The following TNFRSF10A variants were observed in gnomAD, a reference collection of about 807,000 sequenced individuals.
TNFRSF10A encodes TNF receptor superfamily member 10a, also known as tumor necrosis factor receptor superfamily member 10A.
Under a neutral mutation model 42.8 loss-of-function variants are expected in TNFRSF10A, and 44 were observed. The ratio of observed to expected loss-of-function variants is 1.03; its 90% CI spans 0.81 to 1.32. The LOEUF (loss-of-function observed/expected upper bound fraction) is 1.32, where lower values mean the gene tolerates loss of function less well. Among genes scored for constraint, TNFRSF10A ranks in the 40% most tolerant of loss-of-function variants. TNFRSF10A has a pLI of 0.00. For missense variants in TNFRSF10A, 680 were observed against 602.0 expected (o/e 1.13, Z -1.36); for synonymous variants, 259 against 234.2 (o/e 1.11, Z -0.97).
chr8:23,191,632 A>AC lies in TNFRSF10A; in HGVS notation c.*61_*62insG, dbSNP rs1800754542. 1 of 1,473,274 alleles carries AC rather than the reference A, an allele frequency of 6.8e-7. No individual in the cohort carries two copies. Among genetic ancestry groups the AC allele is most frequent in the South Asian group, 1.4e-5 (1 of 69,654 alleles). The allele number at this position is 1,473,274 out of a possible 1,614,324, so 91.3% of individuals were successfully genotyped here. On this transcript the variant is annotated 3_prime_UTR_variant, in exon 10 of 10. Coordinates refer to ENST00000221132, the MANE Select transcript of TNFRSF10A (RefSeq NM_003844.4). ...TACTTTGTATACATGTTAAAAAAAA[A>AC]AAAAACCTAATATGTATTAACTCCT... is the stretch of plus-strand genomic sequence containing the variant.
Position 23,224,765 on chromosome 8 carries a change from G to A in TNFRSF10A, c.297C>T (p.Val99=), listed in dbSNP as rs772961308. 1.3e-6 allele frequency: 2 copies of A among 1,566,270 alleles called. No individual in the cohort carries two copies. Among genetic ancestry groups the A allele is most frequent in the East Asian group, 4.7e-5 (2 of 42,816 alleles). ...HKTFKFVVVG[V]LLQVVPSSAA... ...CGCGGTGGGGACTCACCTGCAGCAG[G>A]ACCCCGACGACGACAAACTTGAAGG... is the stretch of plus-strand genomic sequence containing the variant. Residue 99 remains valine, a synonymous_variant, in exon 1 of 10, where the codon GTC becomes GTT. Transcript: ENST00000221132.
At chr8:23,203,104 T>C (rs951776643) in intron 2 of TNFRSF10A, among the ~76,000 whole-genome samples, 5 of 152,310 alleles carry the variant, frequency 3.3e-5, no homozygotes, top group African/African-American at 1.2e-4. Flanking sequence ...AACATTGAGA[T>C]ATTTTCTTTT....
At chr8:23,197,353 A>G (rs1439468987) in intron 8 of TNFRSF10A, 149 bp from the exon 9 acceptor site, 11 of 849,404 alleles carry the variant, frequency 1.3e-5, no homozygotes, top group Non-Finnish European at 1.9e-5. Context: ...CTGGTCCCAC[A>G]TAGCTCACAG....
intron 1 of TNFRSF10A, among the ~76,000 whole-genome samples, chr8:23,224,057 T>C (rs1024735401): frequency 6.6e-6 from 1 of 152,064 alleles, no homozygotes; most frequent in Non-Finnish European, 1.5e-5. Context: ...CCGGGCGCGG[T>C]GGCTCACGCC....
chr8:23,199,365 C>T lies in TNFRSF10A; in HGVS notation c.915G>A (p.Ser305=), dbSNP rs970938592. Residue 305 remains serine, a synonymous_variant, in exon 8 of 10, where the codon TCG becomes TCA. Coordinates refer to ENST00000221132, the MANE Select transcript of TNFRSF10A (RefSeq NM_003844.4). The part of the protein sequence containing the change: ...AHNEILSNAD[S]LSTFVSEQQM... ...GCTGCTCAGAGACGAAAGTGGACAG[C>T]GAGTCTGCGTTGCTCAGAATCTCGT... 32 of 1,614,084 alleles carry T rather than the reference C, an allele frequency of 2.0e-5. No individual in the cohort carries two copies. The highest frequency in any genetic ancestry group is 5.0e-5 in the Admixed American group (3 of 60,004).
At chr8:23,200,392 G>T in intron 6 of TNFRSF10A, 113 bp downstream of exon 6, 1 of 1,192,664 alleles carries the variant, frequency 8.4e-7, no homozygotes, top group Non-Finnish European at 1.2e-6. Context: ...GAGGAAGATA[G>T]AGCCCGGCCA....
intron 1 of TNFRSF10A, among the ~76,000 whole-genome samples, chr8:23,219,287 C>G (rs1206975192): frequency 6.6e-6 from 1 of 151,412 alleles, no homozygotes; most frequent in Admixed American, 6.6e-5. Flanking sequence ...ACTTTCCCTC[C>G]AAGCCCATGA....
chr8:23,200,707 T>G lies in TNFRSF10A; in HGVS notation c.683A>C (p.Glu228Ala), dbSNP rs20576. 290,920 of 1,605,418 alleles carry G rather than the reference T, an allele frequency of 0.18. 28,771 individuals are homozygous for G. Among genetic ancestry groups the G allele is most frequent in the Non-Finnish European group, 0.2 (240,612 of 1,175,378 alleles). ...TGTACCTGATTCTTTGTGGACACACTCGATGTCACTCCAGGGCGTACAATC... is the reference window on the plus strand; with the variant it reads ...TGTACCTGATTCTTTGTGGACACACGCGATGTCACTCCAGGGCGTACAATC... The part of the protein sequence containing the change: ...VKDCTPWSDI[E>A]CVHKESGNGH... The change falls in exon 5 of 10, where the codon GAG becomes GCG. Residue 228 changes from glutamate to alanine, a missense_variant. Physicochemically the swap from Glu to Ala is moderately radical, Grantham distance 107. Transcript: ENST00000221132.
At chr8:23,202,043 C>T in intron 3 of TNFRSF10A, 124 bp from the exon 4 acceptor site, 1 of 784,246 alleles carries the variant, frequency 1.3e-6, no homozygotes, top group Non-Finnish European at 2.1e-6. Flanking sequence ...GTTCTGAGGG[C>T]CAGATTCTGC....
chr8:23,200,842 C>A, intron 4 of TNFRSF10A, 82 bp from the exon 5 acceptor site: 1 of 1,294,906 alleles, frequency 7.7e-7, no homozygotes, highest in Non-Finnish European at 1.1e-6. Context: ...ACTCTCCCTG[C>A]CCAATGTCCC....
At chr8:23,208,434 G>A (rs1801048047) in intron 2 of TNFRSF10A, among the ~76,000 whole-genome samples, 1 of 152,006 alleles carries the variant, frequency 6.6e-6, no homozygotes, top group Admixed American at 6.6e-5. Flanking sequence ...CTTGGTCCTG[G>A]TATATAATTC....
chr8:23,191,779 C>T lies in TNFRSF10A; in HGVS notation c.1322G>A (p.Arg441Lys), dbSNP rs2230229. ...ALERMEERHA[R>K]EKIQDLLVDS... is the part of the protein sequence containing the mutation. ...CACCAAGAGGTCCTGAATCTTCTCT[C>T]TTGCATGTCTCTCTTCCATCCTCTC... The change falls in exon 10 of 10, where the codon AGA (arginine) becomes AAA (lysine). Residue 441 changes from arginine to lysine, a missense_variant. Transcript: ENST00000221132. 1,388,005 of 1,614,030 alleles carry T rather than the reference C, an allele frequency of 0.86. 598,025 individuals are homozygous for T. Among genetic ancestry groups the T allele is most frequent in the East Asian group, 0.99 (44,223 of 44,878 alleles).
At chr8:23,200,225 ACTGCCCC>A (rs1409830655) in intron 6 of TNFRSF10A, among the ~76,000 whole-genome samples, 1 of 152,234 alleles carries the variant, frequency 6.6e-6, no homozygotes, top group Non-Finnish European at 1.5e-5. Flanking sequence ...TGAGGAGCTG[ACTGCCCC>A]CTGCCTGGAT....
At chr8:23,221,891 T>C (rs1159465867) in intron 1 of TNFRSF10A, among the ~76,000 whole-genome samples, 3 of 150,834 alleles carry the variant, frequency 2.0e-5, no homozygotes, top group Non-Finnish European at 4.4e-5. Flanking sequence ...TTTTTTTTTT[T>C]CTTGAAACGG....
rs755570033 is a variant in TNFRSF10A, at chr8:23,200,465, CAG to C, written c.799+38_799+39del. On this transcript the variant is annotated intron_variant, in intron 6 of 9. Coordinates refer to ENST00000221132, the MANE Select transcript of TNFRSF10A (RefSeq NM_003844.4). ...TCTGTGGGAACAGAAGAAGGCAGGG[CAG>C]AGAGTGCCCAGAGCCCTTGCCCTCA... 3.9e-5 allele frequency: 63 copies of C among 1,607,472 alleles called. No individual in the cohort carries two copies. In the East Asian group the frequency reaches 1.3e-3, roughly 32 times the overall value.
At chr8:23,214,491 A>C (rs1030360253) in intron 1 of TNFRSF10A, among the ~76,000 whole-genome samples, 1 of 151,976 alleles carries the variant, frequency 6.6e-6, no homozygotes, top group African/African-American at 2.4e-5. Flanking sequence ...GTCTCAAAAA[A>C]AAAAAACAGC....
intron 2 of TNFRSF10A, among the ~76,000 whole-genome samples, chr8:23,205,729 GAGA>G (rs1800995823): frequency 2.3e-5 from 1 of 43,346 alleles, no homozygotes; most frequent in Non-Finnish European, 5.6e-5. Flanking sequence ...TTTTTTTTTT[GAGA>G]AGGAGTCACA....
At chr8:23,223,211 G>T (rs984897453) in intron 1 of TNFRSF10A, among the ~76,000 whole-genome samples, 2 of 152,068 alleles carry the variant, frequency 1.3e-5, no homozygotes, top group African/African-American at 4.8e-5. Flanking sequence ...GACTACAGGC[G>T]GCCACCACCA....
At position 23,200,753 on chromosome 8, in the gene TNFRSF10A, T is replaced by A; in HGVS notation, c.637A>T (p.Arg213Ter). 1.1e-6 allele frequency: 1 copy of A among 881,280 alleles called. No homozygotes were observed. The allele number at this position is 881,280 out of a possible 1,614,324, so 54.6% of individuals were successfully genotyped here. A position where few individuals can be genotyped will look rare whatever the true frequency, so the allele number is the denominator to read the frequency against. ...MCRKCSRGCP[R>*]GMVKVKDCTP... ...CAATCCTTGACCTTGACCATCCCTC[T>A]GGGGCACCTGGGTACACACAGGGAG... Residue 213 changes from arginine (R) to a stop codon, truncating the protein, a stop_gained, in exon 5 of 10, where the codon AGA becomes TGA. Coordinates refer to ENST00000221132, the MANE Select transcript of TNFRSF10A (RefSeq NM_003844.4). LOFTEE classifies it high-confidence loss of function.
Sources: allele counts gnomAD v4.1 joint callset (sites outside exome capture counted in the v4.1 genomes callset), GRCh38; gene constraint gnomAD v4.1.1; transcripts MANE v1.5; gene names NCBI Gene and HGNC (gene_info 2026-07-23, HGNC 2026-07-21).